Variants in SCAPER observed in about 807,000 individuals in gnomAD.
SCAPER encodes the protein S-phase cyclin A associated protein in the ER.
A neutral mutation model predicts 182.2 loss-of-function variants in SCAPER; 98 were observed. The ratio of observed to expected loss-of-function variants is 0.54; its 90% CI spans 0.46 to 0.64. The LOEUF is 0.64. Among genes scored for constraint, SCAPER ranks in the 30% least tolerant of loss-of-function variants. SCAPER has a pLI of 0.00. For missense variants in SCAPER, 1,432 were observed against 1,690.0 expected (o/e 0.85, Z 2.68); for synonymous variants, 605 against 564.6 (o/e 1.07, Z -1.01).
Position 76,771,973 on chromosome 15 carries a change from T to C in SCAPER, c.1036-19A>G, listed in dbSNP as rs771697781. 2.4e-5 allele frequency: 37 copies of C among 1,559,452 alleles called. No individual in the cohort carries two copies. In the South Asian group the frequency reaches 3.8e-4, roughly 16 times the overall value. On this transcript the variant is annotated intron_variant, in intron 9 of 31. Coordinates refer to ENST00000563290, the MANE Select transcript of SCAPER (RefSeq NM_020843.4). ...CTGTGAACTAACAAAACGTAGAGAA[T>C]GAATCAGAGATAATTAAAAAATACC... is the stretch of plus-strand genomic sequence containing the variant.
rs1275917825 is a variant in SCAPER, at chr15:76,774,863, T to C, written c.1027A>G (p.Lys343Glu). Residue 343 changes from lysine (K) to glutamate (E), a missense_variant, in exon 9 of 32, where the codon AAA becomes GAA. This residue lies in a region of SCAPER where 480 missense variants were observed against 510.2 expected (regional missense o/e 0.94). Coordinates refer to ENST00000563290, the MANE Select transcript of SCAPER (RefSeq NM_020843.4). ...LHSCDHPLAE[K>E]TQFTVSTLDD... ...TTTTCAGAATGTACTACCTGGGTTT[T>C]TTCGGCAAGAGGATGGTCACAAGAG... is the stretch of plus-strand genomic sequence containing the variant. 7 of 1,610,500 alleles carry C rather than the reference T, an allele frequency of 4.3e-6. No homozygotes were observed. The highest frequency in any genetic ancestry group is 5.1e-6 in the Non-Finnish European group (6 of 1,178,334).
At chr15:76,777,594 T>C (rs987389710) in intron 8 of SCAPER, among the ~76,000 whole-genome samples, 1 of 152,172 alleles carries the variant, frequency 6.6e-6, no homozygotes. Flanking sequence ...CTTGGGAGAC[T>C]GAGACAGAAG....
Position 76,562,677 on chromosome 15 carries a change from C to T in SCAPER, c.2838+11481G>A, listed in dbSNP as rs549903851. 7.9e-5 allele frequency among the ~76,000 whole-genome samples: 12 copies of T among 152,244 alleles called. No homozygotes were observed. The East Asian group carries it at 2.3e-3, about 29-fold the overall frequency. ...CTTTTATATACTGCTGGTAGAAATG[C>T]AAATTGGTACAATTTCTTTGGAAAA... is the stretch of plus-strand genomic sequence containing the variant. On this transcript the variant is annotated intron_variant, in intron 23 of 31. Coordinates refer to ENST00000563290, the MANE Select transcript of SCAPER (RefSeq NM_020843.4).
chr15:76,399,855 AT>A (rs765467118), intron 27 of SCAPER, among the ~76,000 whole-genome samples: 10 of 152,078 alleles, frequency 6.6e-5, no homozygotes, highest in Non-Finnish European at 1.5e-4. Flanking sequence ...AAATACAAAA[AT>A]TAGCCAGGCA....
intron 23 of SCAPER, among the ~76,000 whole-genome samples, chr15:76,551,544 T>C (rs1322778998): frequency 2.0e-5 from 3 of 152,102 alleles, no homozygotes; most frequent in Non-Finnish European, 4.4e-5. Flanking sequence ...TACTGGCTAC[T>C]GGGGAGGGTA....
chr15:76,770,384 A>G (rs1031958265), intron 10 of SCAPER, among the ~76,000 whole-genome samples: 1 of 152,072 alleles, frequency 6.6e-6, no homozygotes, highest in Admixed American at 6.6e-5. Flanking sequence ...AAGAAAAAAC[A>G]GTTGTCTCAT....
intron 2 of SCAPER, among the ~76,000 whole-genome samples, chr15:76,875,717 G>A (rs1041473355): frequency 2.6e-5 from 4 of 152,174 alleles, no homozygotes; most frequent in African/African-American, 4.8e-5. Context: ...TCTGATGTTC[G>A]GATGTGTTGG....
chr15:76,486,466 C>A (rs750438739), intron 24 of SCAPER, among the ~76,000 whole-genome samples: 8 of 151,736 alleles, frequency 5.3e-5, no homozygotes, highest in Non-Finnish European at 1.2e-4. Flanking sequence ...ACTATGTAAC[C>A]GAAAAGGTCT....
chr15:76,355,376 G>A (rs922261512), intron 29 of SCAPER, among the ~76,000 whole-genome samples: 5 of 152,202 alleles, frequency 3.3e-5, no homozygotes, highest in Admixed American at 3.3e-4. Flanking sequence ...TCAGCACATG[G>A]CTATGTGCTG....
In SCAPER at chr15:76,458,766, T is replaced by A. The variant is rs989710393; in HGVS notation, c.3078+12446A>T. On this transcript the variant is annotated intron_variant, in intron 25 of 31. Coordinates refer to ENST00000563290, the MANE Select transcript of SCAPER (RefSeq NM_020843.4). ...TCTGCTACTGAACACTGGAACTTAT[T>A]CCTTCTATTTAACTGTATGTTTGTA... 1.2e-4 allele frequency among the ~76,000 whole-genome samples: 19 copies of A among 152,298 alleles called. 1 individual carries two copies. Among genetic ancestry groups the A allele is most frequent in the African/African-American group, 4.1e-4 (17 of 41,576 alleles).
At chr15:76,488,328 A>G (rs2143190504) in intron 24 of SCAPER, among the ~76,000 whole-genome samples, 1 of 152,294 alleles carries the variant, frequency 6.6e-6, no homozygotes, top group East Asian at 1.9e-4. Context: ...ATTATATAGA[A>G]TATCTATAAT....
At chr15:76,520,964 G>A (rs550499634) in intron 23 of SCAPER, among the ~76,000 whole-genome samples, 1 of 152,250 alleles carries the variant, frequency 6.6e-6, no homozygotes, top group Non-Finnish European at 1.5e-5. Flanking sequence ...CTAGACAGAT[G>A]ATAGCACTAC....
At chr15:76,859,080 A>T (rs1195881799) in intron 3 of SCAPER, among the ~76,000 whole-genome samples, 3 of 152,252 alleles carry the variant, frequency 2.0e-5, no homozygotes, top group African/African-American at 7.2e-5. Flanking sequence ...ACTAATTTAC[A>T]TTCTCACCAG....
chr15:76,667,258 C>A (rs2056647486), intron 20 of SCAPER, among the ~76,000 whole-genome samples: 1 of 152,108 alleles, frequency 6.6e-6, no homozygotes. Context: ...TTCCTCCTAC[C>A]TGAGACTCCT....
chr15:76,594,716 C>A (rs1256299915), intron 22 of SCAPER, among the ~76,000 whole-genome samples: 1 of 121,386 alleles, frequency 8.2e-6, no homozygotes, highest in African/African-American at 2.5e-5. Flanking sequence ...AATTTCAAAT[C>A]CAGCCAAATT....
At position 76,423,769 on chromosome 15, in the gene SCAPER, T is replaced by A. The variant is rs185351988; in HGVS notation, c.3311+10309A>T. 3.1e-3 allele frequency among the ~76,000 whole-genome samples: 477 copies of A among 152,326 alleles called. 1 individual carries two copies. The highest frequency in any genetic ancestry group is 2.7e-3 in the Non-Finnish European group (185 of 68,028). ...CTTGTGGGCATTCAGTGCTATAAAT[T>A]TCCCTCTACACACTGCTTTAAATGT... is the stretch of plus-strand genomic sequence containing the variant. On this transcript the variant is annotated intron_variant, in intron 26 of 31. Coordinates refer to ENST00000563290, the MANE Select transcript of SCAPER (RefSeq NM_020843.4).
chr15:76,513,686 A>G (rs561631031), intron 23 of SCAPER, among the ~76,000 whole-genome samples: 5 of 152,274 alleles, frequency 3.3e-5, no homozygotes, highest in African/African-American at 1.2e-4. Flanking sequence ...ATGGCTTAAT[A>G]CCATAATAAT....
At chr15:76,857,928 A>T (rs1339239043) in intron 3 of SCAPER, 49 bp from the exon 4 acceptor site, 1 of 1,291,614 alleles carries the variant, frequency 7.7e-7, no homozygotes, top group South Asian at 1.3e-5. Flanking sequence ...AATGATAGAT[A>T]GTATAAAATT....
At chr15:76,534,196 T>C (rs2043925958) in intron 23 of SCAPER, among the ~76,000 whole-genome samples, 1 of 152,232 alleles carries the variant, frequency 6.6e-6, no homozygotes, top group Non-Finnish European at 1.5e-5. Context: ...ACACCGTCTG[T>C]CTACAGTTCC....
Sources: allele counts gnomAD v4.1 joint callset (sites outside exome capture counted in the v4.1 genomes callset), GRCh38; gene constraint gnomAD v4.1.1; regional missense constraint gnomAD v4.1.1; transcripts MANE v1.5; gene names NCBI Gene and HGNC (gene_info 2026-07-23, HGNC 2026-07-21).